Variants in RIMKLB observed in about 807,000 individuals in gnomAD.
RIMKLB encodes ribosomal modification protein rimK like family member B.
RIMKLB carries 7 observed loss-of-function variants against 32.0 expected under a neutral mutation model. The observed-to-expected ratio is 0.22, with a 90% CI of 0.12 to 0.41. The LOEUF is 0.41. Among genes scored for constraint, RIMKLB ranks in the 10% least tolerant of loss-of-function variants. RIMKLB has a pLI of 1.00. For synonymous variants in RIMKLB, 172 were observed against 185.1 expected, an observed-to-expected ratio of 0.93 and a Z score of 0.57; for missense variants, 289 against 498.7, an observed-to-expected ratio of 0.58 and a Z score of 4.00.
chr12:8,767,182 G>A (rs770882170), intron 5 of RIMKLB, among the ~76,000 whole-genome samples: 261 of 152,324 alleles, frequency 1.7e-3, no homozygotes, highest in African/African-American at 6.1e-3. Flanking sequence ...TAAAGGAATA[G>A]GGCACACTGT....
intron 5 of RIMKLB, among the ~76,000 whole-genome samples, chr12:8,765,516 G>A (rs1242858374): frequency 6.6e-6 from 1 of 152,112 alleles, no homozygotes; most frequent in East Asian, 1.9e-4. Context: ...CTCCATGTCA[G>A]ATCAAAGGAT....
At chr12:8,742,963 C>A in intron 2 of RIMKLB, 1 of 161,844 alleles carries the variant, frequency 6.2e-6, no homozygotes, top group Non-Finnish European at 1.4e-5. Context: ...AGATGTTGGC[C>A]CTGGGAAGTT....
intron 5 of RIMKLB, among the ~76,000 whole-genome samples, chr12:8,763,444 T>C (rs1293699125): frequency 6.6e-6 from 1 of 152,250 alleles, no homozygotes; most frequent in African/African-American, 2.4e-5. Context: ...GTGTATATAA[T>C]GGCCTGGCTA....
In RIMKLB at chr12:8,711,660, C is replaced by G. The variant is rs117682145; in HGVS notation, c.-56-2151C>G. Among the ~76,000 whole-genome samples the G allele has an allele frequency of 7.4e-4, 110 of 149,406 alleles. No homozygotes were observed. The East Asian group carries it at 0.016, about 22-fold the overall frequency. On this transcript the variant is annotated intron_variant, in intron 1 of 5. Coordinates refer to ENST00000535829, the MANE Select transcript of RIMKLB (RefSeq NM_001297776.2). ...CATTAGGTATATCTCCCAATGCTAT[C>G]CCTCCCCCCTCCCCCAAACATTTTA...
intron 5 of RIMKLB, among the ~76,000 whole-genome samples, chr12:8,765,680 A>C (rs1949899917): frequency 6.6e-6 from 1 of 152,084 alleles, no homozygotes; most frequent in Non-Finnish European, 1.5e-5. Flanking sequence ...GAGGGGGCAT[A>C]ATCGGGAAAT....
intron 1 of RIMKLB, among the ~76,000 whole-genome samples, chr12:8,711,475 G>A (rs1028663493): frequency 6.6e-6 from 1 of 152,002 alleles, no homozygotes; most frequent in Non-Finnish European, 1.5e-5. Flanking sequence ...TAGCTTCAGA[G>A]TGTTGGAAGT....
intron 5 of RIMKLB, among the ~76,000 whole-genome samples, chr12:8,772,223 G>T (rs1460564577): frequency 6.6e-6 from 1 of 152,100 alleles, no homozygotes; most frequent in Non-Finnish European, 1.5e-5. Flanking sequence ...CACATTTTTA[G>T]CTATGCTTTG....
chr12:8,777,766 C>T (rs764662445), downstream of RIMKLB: 11 of 1,076,956 alleles, frequency 1.0e-5, no homozygotes, highest in Non-Finnish European at 1.2e-5. Flanking sequence ...GTAAATGCAC[C>T]GGTTTGGATT....
intron 2 of RIMKLB, among the ~76,000 whole-genome samples, chr12:8,748,519 CGTGTGTGTGTGTGTGTGTGTGTGT>C (rs58187682): frequency 1.5e-5 from 2 of 131,278 alleles, no homozygotes; most frequent in Non-Finnish European, 3.2e-5. Context: ...TGGGATTATT[CGTGTGTGTGTGTGTGTGTGTGTGT>C]GTGTGTGTGT....
At position 8,750,112 on chromosome 12, in the gene RIMKLB, T is replaced by C; in HGVS notation, c.406+20T>C. The stretch of plus-strand genomic sequence containing the variant: ...CTTATGGTGAGCCTACTAAAGAGCA[T>C]ACATAGCCTGAATATTAACCACTGA... On this transcript the variant is annotated intron_variant, in intron 3 of 5. Transcript: ENST00000535829. 2.1e-6 allele frequency: 3 copies of C among 1,456,984 alleles called. No individual in the cohort carries two copies. The highest frequency in any genetic ancestry group is 2.9e-6 in the Non-Finnish European group (3 of 1,039,012). The allele number at this position is 1,456,984 out of a possible 1,614,324, so 90.3% of individuals were successfully genotyped here.
chr12:8,758,560 C>G (rs1350011761), intron 5 of RIMKLB, among the ~76,000 whole-genome samples: 1 of 152,070 alleles, frequency 6.6e-6, no homozygotes, highest in Admixed American at 6.6e-5. Flanking sequence ...CTTTTAATGT[C>G]AAGCATATTC....
At chr12:8,758,813 T>G (rs940333774) in intron 5 of RIMKLB, among the ~76,000 whole-genome samples, 2 of 152,338 alleles carry the variant, frequency 1.3e-5, no homozygotes, top group South Asian at 4.1e-4. Flanking sequence ...TGTAACGTGT[T>G]TAATTTCCAT....
At chr12:8,692,244 G>A (rs1942754194), upstream of RIMKLB, among the ~76,000 whole-genome samples, 1 of 152,186 alleles carries the variant, frequency 6.6e-6, no homozygotes, top group Non-Finnish European at 1.5e-5. Flanking sequence ...CTCAACCTTA[G>A]AATGTTGCTT....
intron 2 of RIMKLB, among the ~76,000 whole-genome samples, chr12:8,729,961 ATT>A (rs1946390606): frequency 6.6e-6 from 1 of 152,090 alleles, no homozygotes; most frequent in African/African-American, 2.4e-5. Context: ...TCATGGACCT[ATT>A]GGCTATTTGT....
At chr12:8,707,759 T>C (rs757274664) in intron 1 of RIMKLB, among the ~76,000 whole-genome samples, 2 of 152,304 alleles carry the variant, frequency 1.3e-5, no homozygotes, top group South Asian at 2.1e-4. Flanking sequence ...GAGATTCTTA[T>C]GATTTTAGGA....
At chr12:8,702,189 G>C (rs757156896) in intron 1 of RIMKLB, among the ~76,000 whole-genome samples, 1 of 152,158 alleles carries the variant, frequency 6.6e-6, no homozygotes, top group Non-Finnish European at 1.5e-5. Flanking sequence ...GATAACATCA[G>C]GGAATAAAAT....
chr12:8,753,801 C>A, intron 4 of RIMKLB, 89 bp from the exon 5 acceptor site: 4 of 1,013,442 alleles, frequency 3.9e-6, no homozygotes, highest in Non-Finnish European at 4.5e-6. Context: ...TCTGAAATAG[C>A]AGATTGTGAT....
At chr12:8,675,220 CA>C in the RIMKLB span, among the ~76,000 whole-genome samples, 14 of 152,338 alleles carry the variant, frequency 9.2e-5, no homozygotes, top group East Asian at 1.9e-3. Context: ...CTGAATAATA[CA>C]GACACATTTC....
At chr12:8,678,138 G>A (rs1027257840), upstream of RIMKLB, among the ~76,000 whole-genome samples, 1 of 150,650 alleles carries the variant, frequency 6.6e-6, no homozygotes, top group Non-Finnish European at 1.5e-5. Context: ...TTCTTCAAAA[G>A]CTCAGAAGTC....
Sources: allele counts gnomAD v4.1 joint callset (sites outside exome capture counted in the v4.1 genomes callset), GRCh38; gene constraint gnomAD v4.1.1; transcripts MANE v1.5; gene names NCBI Gene and HGNC (gene_info 2026-07-23, HGNC 2026-07-21).